The following TBCE variants were observed in gnomAD, a reference collection of about 807,000 sequenced individuals.
The protein encoded by TBCE is tubulin folding cofactor E.
A neutral mutation model predicts 77.0 loss-of-function variants in TBCE; 53 were observed. The observed-to-expected ratio is 0.69, with a 90% CI of 0.55 to 0.87. The LOEUF is 0.87. Among genes scored for constraint, TBCE ranks in the 40% least tolerant of loss-of-function variants. TBCE has a pLI of 0.00. For synonymous variants in TBCE, 235 were observed against 241.3 expected, an observed-to-expected ratio of 0.97 and a Z score of 0.24; for missense variants, 624 against 622.4, an observed-to-expected ratio of 1.00 and a Z score of -0.03.
chr1:235,369,719 A>G (rs573271823), intron 1 of TBCE, among the ~76,000 whole-genome samples: 67 of 151,034 alleles, frequency 4.4e-4, no homozygotes, highest in African/African-American at 1.5e-3. Flanking sequence ...CCCAGCTATT[A>G]GGGAGGCTGA....
At chr1:235,373,478 C>G (rs942979782) in intron 1 of TBCE, among the ~76,000 whole-genome samples, 1 of 151,862 alleles carries the variant, frequency 6.6e-6, no homozygotes, top group African/African-American at 2.4e-5. Flanking sequence ...CAGTCTCACT[C>G]TGTGGCCCAG....
chr1:235,399,194 A>G (rs1412249596), intron 2 of TBCE, among the ~76,000 whole-genome samples: 1 of 152,030 alleles, frequency 6.6e-6, no homozygotes, highest in Non-Finnish European at 1.5e-5. Context: ...AGCTCAAGCA[A>G]TCCACCCGCC....
At chr1:235,413,035 T>C (rs1005308103) in intron 3 of TBCE, among the ~76,000 whole-genome samples, 14 of 152,314 alleles carry the variant, frequency 9.2e-5, no homozygotes, top group African/African-American at 3.4e-4. Flanking sequence ...ACTCCTGACC[T>C]TAGGTGATCC....
At chr1:235,399,262 T>C (rs1297333567) in intron 2 of TBCE, among the ~76,000 whole-genome samples, 5 of 152,232 alleles carry the variant, frequency 3.3e-5, no homozygotes, top group Non-Finnish European at 1.5e-5. Context: ...GAGATGATTA[T>C]TTTTACCTTG....
intron 3 of TBCE, among the ~76,000 whole-genome samples, chr1:235,403,363 C>A (rs148365770): frequency 6.6e-6 from 1 of 152,170 alleles, no homozygotes; most frequent in East Asian, 1.9e-4. Context: ...AACGCTACCA[C>A]GTCTGGCCAA....
At chr1:235,378,053 TA>T (rs1677404462) in intron 1 of TBCE, among the ~76,000 whole-genome samples, 1 of 152,182 alleles carries the variant, frequency 6.6e-6, no homozygotes, top group South Asian at 2.1e-4. Flanking sequence ...GGGTAGTCAG[TA>T]ATGTATTCTA....
intron 3 of TBCE, among the ~76,000 whole-genome samples, chr1:235,403,813 T>C (rs1264318191): frequency 2.0e-5 from 3 of 152,180 alleles, no homozygotes; most frequent in Non-Finnish European, 1.5e-5. Context: ...GTGAACATCA[T>C]AGTATACTTA....
At chr1:235,377,709 T>A (rs1291225416) in intron 1 of TBCE, among the ~76,000 whole-genome samples, 1 of 150,570 alleles carries the variant, frequency 6.6e-6, no homozygotes, top group East Asian at 1.9e-4. Context: ...AGAAGTACAA[T>A]GGCTCGATCT....
At chr1:235,398,987 T>C (rs1048120779) in intron 2 of TBCE, among the ~76,000 whole-genome samples, 3 of 151,084 alleles carry the variant, frequency 2.0e-5, no homozygotes, top group Non-Finnish European at 4.4e-5. Context: ...AGAGTCTCCC[T>C]CTGTCACTCA....
intron 8 of TBCE, 96 bp downstream of exon 8, chr1:235,434,376 G>A (rs1681289917): frequency 8.8e-7 from 1 of 1,137,386 alleles, no homozygotes; most frequent in Non-Finnish European, 1.3e-6. Context: ...TTTTTAGAAG[G>A]ATTTGCAAAC....
At chr1:235,383,162 TC>T (rs1677784042) in intron 2 of TBCE, among the ~76,000 whole-genome samples, 1 of 148,162 alleles carries the variant, frequency 6.7e-6, no homozygotes, top group Non-Finnish European at 1.5e-5. Flanking sequence ...TCTGTTCTGT[TC>T]CATTGATCTA....
chr1:235,438,672 C>A, intron 12 of TBCE, 97 bp from the exon 13 acceptor site: 3 of 1,394,530 alleles, frequency 2.2e-6, no homozygotes, highest in Non-Finnish European at 2.0e-6. Context: ...TGATTATTTT[C>A]TGCATGTGCT....
Position 235,416,740 on chromosome 1 carries a change from G to A in TBCE, c.371+2122G>A, listed in dbSNP as rs1680135874. Among the ~76,000 whole-genome samples the A allele has an allele frequency of 3.3e-5, 5 of 152,156 alleles. No homozygotes were observed. The South Asian group carries it at 1.0e-3, about 32-fold the overall frequency. On this transcript the variant is annotated intron_variant, in intron 4 of 16. Transcript: ENST00000642610. ...TCATTGCATTTAATCATTAGCTAGT[G>A]TCTTTCTTGATTGAAAAGGTAAAAT...
intron 3 of TBCE, among the ~76,000 whole-genome samples, chr1:235,403,077 A>G (rs1572369226): frequency 1.3e-5 from 2 of 152,320 alleles, no homozygotes; most frequent in African/African-American, 4.8e-5. Flanking sequence ...GGCCAACTCT[A>G]CTTGTAGACT....
chr1:235,448,470 A>C, intron 16 of TBCE, 30 bp downstream of exon 16: 1 of 1,590,928 alleles, frequency 6.3e-7, no homozygotes, highest in Non-Finnish European at 8.6e-7. Flanking sequence ...ACAAAGTCAA[A>C]GTCAAGCTTA....
At chr1:235,428,356 C>T (rs1331611373) in intron 6 of TBCE, among the ~76,000 whole-genome samples, 1 of 151,952 alleles carries the variant, frequency 6.6e-6, no homozygotes, top group East Asian at 1.9e-4. Flanking sequence ...AAATCTGCAT[C>T]TGCTGCCAGC....
At chr1:235,431,935 G>T (rs993722692) in intron 7 of TBCE, among the ~76,000 whole-genome samples, 3 of 149,920 alleles carry the variant, frequency 2.0e-5, no homozygotes, top group African/African-American at 7.4e-5. Context: ...GCCTGCTAAA[G>T]TCCTGGGATT....
intron 5 of TBCE, 33 bp from the exon 6 acceptor site, chr1:235,427,107 T>C (rs1371381348): frequency 6.9e-7 from 1 of 1,449,618 alleles, no homozygotes; most frequent in South Asian, 1.1e-5. Flanking sequence ...TGTGAATCTT[T>C]TGAAATTACT....
chr1:235,396,954 GTTTATTTATTTATTTA>G (rs143979836), intron 2 of TBCE, among the ~76,000 whole-genome samples: 1 of 148,350 alleles, frequency 6.7e-6, no homozygotes, highest in Non-Finnish European at 1.5e-5. Context: ...TTTGTTGATT[GTTTATTTATTTATTTA>G]TTTATTTATT....
Sources: allele counts gnomAD v4.1 joint callset (sites outside exome capture counted in the v4.1 genomes callset), GRCh38; gene constraint gnomAD v4.1.1; transcripts MANE v1.5; gene names NCBI Gene and HGNC (gene_info 2026-07-23, HGNC 2026-07-21).